Variants in KIF26A observed in about 807,000 individuals in gnomAD.
The protein encoded by KIF26A is kinesin-like protein KIF26A.
A neutral mutation model predicts 126.0 loss-of-function variants in KIF26A; 74 were observed. The ratio of observed to expected loss-of-function variants is 0.59; its 90% confidence interval spans 0.49 to 0.71. KIF26A has a LOEUF of 0.71. Among genes scored for constraint, KIF26A ranks in the 30% least tolerant of loss-of-function variants. The pLI is 0.00. For missense variants in KIF26A, 2,984 were observed against 2,763.3 expected (o/e 1.08, Z -1.79); for synonymous variants, 1,445 against 1,232.7 (o/e 1.17, Z -3.61).
At chr14:104,179,460 C>T (rs2141123090) in intron 14 of KIF26A, 74 bp downstream of exon 14, 1 of 1,439,130 alleles carries the variant, frequency 6.9e-7, no homozygotes, top group Non-Finnish European at 9.1e-7. Context: ...TCCCAGAGCC[C>T]TGTTGCTCTC....
intron 5 of KIF26A, among the ~76,000 whole-genome samples, chr14:104,169,999 G>A (rs1196754261): frequency 6.6e-6 from 1 of 152,116 alleles, no homozygotes; most frequent in Non-Finnish European, 1.5e-5. Flanking sequence ...CCCACTGTGG[G>A]CTGCTCCATC....
intron 12 of KIF26A, 116 bp from the exon 13 acceptor site, chr14:104,178,434 C>T (rs1324383243): frequency 1.3e-6 from 1 of 761,052 alleles, no homozygotes; most frequent in Non-Finnish European, 2.0e-6. Flanking sequence ...GATTCCTGGA[C>T]TGGATCCCGA....
chr14:104,163,400 G>A (rs1451363854), intron 4 of KIF26A, among the ~76,000 whole-genome samples: 6 of 152,154 alleles, frequency 3.9e-5, no homozygotes, highest in African/African-American at 1.2e-4. Context: ...CGAGTGTGTC[G>A]GCCTCCATCC....
chr14:104,160,660 G>A (rs28426081), intron 4 of KIF26A, among the ~76,000 whole-genome samples: 71,145 of 152,016 alleles, frequency 0.47, 16,722 homozygotes, highest in Middle Eastern at 0.5. Context: ...TGACCCCCAG[G>A]GTTAGGAGTT....
chr14:104,173,244 G>T lies in KIF26A; in HGVS notation c.1683+5G>T. On this transcript the variant is annotated splice_donor_5th_base_variant and intron_variant, in intron 8 of 14. Transcript: ENST00000423312. Reference sequence around the variant, plus strand: ...GACCCCGTGTGTGGGGCGCAGGTGCGCCTGCCTACTGTCCCACCTTGGGGG... The same window carrying T: ...GACCCCGTGTGTGGGGCGCAGGTGCTCCTGCCTACTGTCCCACCTTGGGGG... 1.9e-6 allele frequency: 3 copies of T among 1,605,258 alleles called. No homozygotes were observed. The highest frequency in any genetic ancestry group is 2.6e-6 in the Non-Finnish European group (3 of 1,174,458).
intron 3 of KIF26A, among the ~76,000 whole-genome samples, chr14:104,153,263 G>A (rs2141096135): frequency 6.6e-6 from 1 of 152,174 alleles, no homozygotes; most frequent in Middle Eastern, 3.4e-3. Flanking sequence ...AGTGGCTGCT[G>A]GGCTGGTCCT....
At chr14:104,165,651 A>ATG (rs148671298) in intron 4 of KIF26A, among the ~76,000 whole-genome samples, 36,995 of 133,312 alleles carry the variant, frequency 0.28, 5,943 homozygotes, top group African/African-American at 0.48. Flanking sequence ...TTCTGTATGC[A>ATG]TGTGTGTGTA....
Position 104,151,373 on chromosome 14 carries a change from G to T in KIF26A, c.289-642G>T, listed in dbSNP as rs114037988. Among the ~76,000 whole-genome samples, 1,413 of 152,244 alleles carry T rather than the reference G, an allele frequency of 9.3e-3. 16 individuals are homozygous for T. The highest frequency in any genetic ancestry group is 0.032 in the African/African-American group (1,348 of 41,544). On this transcript the variant is annotated intron_variant, in intron 2 of 14. Transcript: ENST00000423312. The surrounding 1 kb of genome is among the most constrained non-coding windows in gnomAD (Gnocchi z 4.9). ...CCCAGCGTACAGCTCAGACCTGGGT[G>T]GGGGAGCTGGTGGAGTGTGCGGCGG...
intron 5 of KIF26A, 72 bp downstream of exon 5, chr14:104,167,120 A>C (rs113165602): frequency 0.059 from 81,235 of 1,381,362 alleles, 2,611 homozygotes; most frequent in Non-Finnish European, 0.066. Context: ...AGGAGGGGTG[A>C]GGGAGTGGAG....
At chr14:104,155,046 C>T (rs35797471) in intron 3 of KIF26A, among the ~76,000 whole-genome samples, 67,960 of 152,062 alleles carry the variant, frequency 0.45, 16,412 homozygotes, top group Non-Finnish European at 0.53. Flanking sequence ...TGGAGCTTCG[C>T]GTGGGTGGGC....
At chr14:104,161,469 C>T (rs1005225910) in intron 4 of KIF26A, among the ~76,000 whole-genome samples, 3 of 152,194 alleles carry the variant, frequency 2.0e-5, no homozygotes, top group African/African-American at 7.2e-5. Context: ...GTGAAATTAC[C>T]CTCTTGTTTG....
Position 104,179,252 on chromosome 14 carries a change from G to A in KIF26A, c.5333G>A (p.Ser1778Asn). The A allele has an allele frequency of 6.6e-7, 1 of 1,519,800 alleles. No homozygotes were observed. The highest frequency in any genetic ancestry group is 1.2e-5 in the South Asian group (1 of 80,422). 94.1% of individuals were successfully genotyped at this position (1,519,800 alleles called of 1,614,324 possible). The change falls in exon 14 of 15, where the codon AGT becomes AAT. Residue 1778 changes from serine (S) to asparagine (N), a missense_variant. Physicochemically the swap from Ser to Asn is conservative, Grantham distance 46 (BLOSUM62 1). Transcript: ENST00000423312. ...GCCTCCCAGGGTCTGGCGTGCGTCA[G>A]TACAAGGCTGCGGCTGGCGGAGCGC... Reference protein sequence around the residue: ...EAPTQGLACVSTRLRLAERRQ... With the variant: ...EAPTQGLACVNTRLRLAERRQ...
intron 5 of KIF26A, among the ~76,000 whole-genome samples, chr14:104,168,482 G>C (rs1032626087): frequency 2.8e-4 from 43 of 152,180 alleles, no homozygotes; most frequent in African/African-American, 1.0e-3. Context: ...CGGCCTGTGG[G>C]GCAGACCTGA....
chr14:104,175,943 C>T lies in KIF26A; in HGVS notation c.3155C>T (p.Thr1052Ile). ...LGALAGAGRPTSLASFDSDCS... is the reference protein window; with the variant it reads ...LGALAGAGRPISLASFDSDCS... ...GCGCTTGCCGGAGCTGGGCGGCCCA[C>T]CAGCCTGGCTAGCTTCGACAGTGAC... Residue 1052 changes from threonine to isoleucine, a missense_variant, in exon 12 of 15, where the codon ACC becomes ATC. Transcript: ENST00000423312. 1.3e-6 allele frequency: 2 copies of T among 1,562,334 alleles called. No individual in the cohort carries two copies. The highest frequency in any genetic ancestry group is 1.3e-5 in the African/African-American group (1 of 74,172).
At chr14:104,155,957 G>T (rs1028730305) in intron 3 of KIF26A, among the ~76,000 whole-genome samples, 1 of 152,230 alleles carries the variant, frequency 6.6e-6, no homozygotes, top group African/African-American at 2.4e-5. Context: ...GGGAGGCAGG[G>T]TGTCCTGGTG....
intron 4 of KIF26A, among the ~76,000 whole-genome samples, chr14:104,159,675 G>A (rs1321583684): frequency 1.3e-5 from 2 of 152,220 alleles, no homozygotes; most frequent in African/African-American, 2.4e-5. Context: ...GGGCGCTGCC[G>A]GCTGCCATTA....
At chr14:104,165,635 C>G (rs1164729499) in intron 4 of KIF26A, among the ~76,000 whole-genome samples, 2 of 131,742 alleles carry the variant, frequency 1.5e-5, no homozygotes, top group African/African-American at 7.1e-5. Context: ...ATGTGTGTGT[C>G]TGTGTTTCTG....
rs769993455 is a variant in KIF26A, at chr14:104,176,259, C to A, written c.3471C>A (p.Ser1157Arg). Residue 1157 changes from serine to arginine, a missense_variant, in exon 12 of 15, where the codon AGC (serine) becomes AGA (arginine). Coordinates refer to ENST00000423312, the MANE Select transcript of KIF26A (RefSeq NM_015656.2). ...TGGATGGTTCCCTGGGGGATGGAAG[C>A]TCTGGGTTCCTGGGGCCAGACAGAC... ...PALDGSLGDGSSGFLGPDRPD... is the reference protein window; with the variant it reads ...PALDGSLGDGRSGFLGPDRPD... 1.3e-6 allele frequency: 2 copies of A among 1,596,040 alleles called. No individual in the cohort carries two copies. The highest frequency in any genetic ancestry group is 3.4e-5 in the Admixed American group (2 of 58,034).
chr14:104,173,995 C>G, intron 10 of KIF26A, 127 bp downstream of exon 10: 1 of 1,401,462 alleles, frequency 7.1e-7, no homozygotes, highest in Non-Finnish European at 9.5e-7. Flanking sequence ...CACCACCTGA[C>G]AGGCCTCGCT....
Sources: gnomAD v4.1 joint callset for allele counts (sites outside exome capture counted in the v4.1 genomes callset) on GRCh38, gnomAD v4.1.1 for gene constraint, Gnocchi (gnomAD v3.1) non-coding constraint, MANE v1.5 for transcripts, NCBI Gene and HGNC (gene_info 2026-07-23, HGNC 2026-07-21) for gene names.